MTA3: variants seen among roughly 807,000 people sequenced by gnomAD.
MTA3 encodes metastasis-associated protein MTA3.
Under a neutral mutation model 83.5 loss-of-function variants are expected in MTA3, and 34 were observed. That is an observed-to-expected ratio of 0.41 (90% CI 0.31 to 0.54). MTA3 has a LOEUF of 0.54. MTA3 is among the 20% of genes least tolerant of loss of function. MTA3 has a pLI of 0.33. For synonymous variants in MTA3, 303 were observed against 252.7 expected, an observed-to-expected ratio of 1.20 and a Z score of -1.89; for missense variants, 761 against 726.4, an observed-to-expected ratio of 1.05 and a Z score of -0.55.
intron 6 of MTA3, among the ~76,000 whole-genome samples, chr2:42,649,699 T>G (rs1438001353): frequency 6.6e-6 from 1 of 152,202 alleles, no homozygotes; most frequent in Non-Finnish European, 1.5e-5. Context: ...GATTTTGTGG[T>G]CTGAAAATCT....
chr2:42,735,441 A>G (rs1427747851), intron 16 of MTA3, among the ~76,000 whole-genome samples: 1 of 152,142 alleles, frequency 6.6e-6, no homozygotes, highest in Non-Finnish European at 1.5e-5. Flanking sequence ...GTCTTGAGGT[A>G]ATCTTCTTTG....
chr2:42,735,085 G>T (rs1161692314), intron 16 of MTA3, among the ~76,000 whole-genome samples: 1 of 151,934 alleles, frequency 6.6e-6, no homozygotes, highest in Non-Finnish European at 1.5e-5. Context: ...ATTTCTTATT[G>T]CTCATTAATG....
chr2:42,642,078 A>AT (rs1687747255), intron 5 of MTA3, among the ~76,000 whole-genome samples: 1 of 152,190 alleles, frequency 6.6e-6, no homozygotes, highest in African/African-American at 2.4e-5. Flanking sequence ...AACCCAAAGA[A>AT]TAACTTTTTA....
At chr2:42,494,577 T>A (rs1432719996) in exon 1 of MTA3, 2 of 152,234 alleles carry the variant, frequency 1.3e-5, no homozygotes, top group African/African-American at 4.8e-5. Context: ...CCAGCCTCGG[T>A]GCCGCCTGCC....
chr2:42,547,294 T>G (rs1425773785), intron 2 of MTA3, among the ~76,000 whole-genome samples: 1 of 152,122 alleles, frequency 6.6e-6, no homozygotes, highest in Non-Finnish European at 1.5e-5. Context: ...GGACGTGAGG[T>G]ACAGAACAGC....
intron 6 of MTA3, among the ~76,000 whole-genome samples, chr2:42,654,070 A>G (rs557273656): frequency 2.0e-5 from 3 of 152,370 alleles, no homozygotes; most frequent in African/African-American, 7.2e-5. Flanking sequence ...ATTGTAAACA[A>G]AACAAAGAAT....
chr2:42,543,358 AG>A (rs1335124286), intron 2 of MTA3, among the ~76,000 whole-genome samples: 1 of 151,994 alleles, frequency 6.6e-6, no homozygotes, highest in Non-Finnish European at 1.5e-5. Flanking sequence ...TTGTATTTTT[AG>A]TAGAGGTGGG....
At position 42,640,243 on chromosome 2, in the gene MTA3, C is replaced by G. The variant is rs1199275248; in HGVS notation, c.381+7C>G. 6.3e-7 allele frequency: 1 copy of G among 1,593,250 alleles called. No individual in the cohort carries two copies. Among genetic ancestry groups the G allele is most frequent in the African/African-American group, 1.3e-5 (1 of 74,556 alleles). On this transcript the variant is annotated splice_region_variant and intron_variant, in intron 5 of 16. Coordinates refer to ENST00000405094, the MANE Select transcript of MTA3 (RefSeq NM_001330442.2). ...GTCATATCTTGATAAGGAGGTAATT[C>G]ACAATCATAGTTGTTTTGTTTTTTT... is the stretch of plus-strand genomic sequence containing the variant.
At chr2:42,751,490 TG>T (rs1228921830) in intron 16 of MTA3, among the ~76,000 whole-genome samples, 1 of 152,146 alleles carries the variant, frequency 6.6e-6, no homozygotes, top group African/African-American at 2.4e-5. Flanking sequence ...GCAGAGGATC[TG>T]GGGAAGCTCT....
intron 2 of MTA3, among the ~76,000 whole-genome samples, chr2:42,534,033 G>A (rs996798531): frequency 9.9e-5 from 15 of 152,074 alleles, no homozygotes; most frequent in African/African-American, 3.4e-4. Context: ...AATCAAGAAG[G>A]AGGGACTTTT....
intron 3 of MTA3, among the ~76,000 whole-genome samples, chr2:42,594,942 A>T (rs1202971522): frequency 6.8e-6 from 1 of 146,356 alleles, no homozygotes; most frequent in Non-Finnish European, 1.5e-5. Context: ...TTTAGTAGAG[A>T]TGGGGTTTCA....
At chr2:42,594,689 TAC>T (rs1321454723) in intron 3 of MTA3, among the ~76,000 whole-genome samples, 19 of 113,022 alleles carry the variant, frequency 1.7e-4, no homozygotes, top group Non-Finnish European at 3.3e-4. Flanking sequence ...TATACATATA[TAC>T]ATATATAAAT....
intron 3 of MTA3, among the ~76,000 whole-genome samples, chr2:42,598,691 G>A (rs950433951): frequency 5.9e-5 from 9 of 152,124 alleles, no homozygotes; most frequent in Admixed American, 2.0e-4. Context: ...ATAAATTAAC[G>A]TTGTTGAGCC....
chr2:42,606,201 C>G (rs1683366487), intron 3 of MTA3, among the ~76,000 whole-genome samples: 1 of 7,712 alleles, frequency 1.3e-4, no homozygotes, highest in South Asian at 0.015. Flanking sequence ...GGGGGCTGAC[C>G]CCCCCCCACC....
At chr2:42,670,537 CAG>C (rs751755673) in intron 8 of MTA3, among the ~76,000 whole-genome samples, 2 of 152,006 alleles carry the variant, frequency 1.3e-5, no homozygotes, top group Non-Finnish European at 2.9e-5. Context: ...AAAGCAGAAA[CAG>C]GGAACAAGAA....
chr2:42,743,325 A>T (rs922453750), intron 16 of MTA3, among the ~76,000 whole-genome samples: 1 of 152,182 alleles, frequency 6.6e-6, no homozygotes, highest in Non-Finnish European at 1.5e-5. Flanking sequence ...CTTGAGAAAG[A>T]CTTCTTGTGA....
chr2:42,717,066 C>A (rs184232736), intron 14 of MTA3, among the ~76,000 whole-genome samples: 1 of 144,124 alleles, frequency 6.9e-6, no homozygotes. Context: ...TTTTTAACCA[C>A]AATGAGAATT....
At chr2:42,572,489 T>A (rs1440883977) in intron 2 of MTA3, among the ~76,000 whole-genome samples, 1 of 151,486 alleles carries the variant, frequency 6.6e-6, no homozygotes, top group African/African-American at 2.4e-5. Context: ...TGAGGAAGAT[T>A]GCTTGGGCCC....
intron 2 of MTA3, among the ~76,000 whole-genome samples, chr2:42,556,263 A>G (rs914307509): frequency 6.6e-6 from 1 of 152,056 alleles, no homozygotes; most frequent in African/African-American, 2.4e-5. Context: ...CCGAAAGCCT[A>G]TAGATCTGCT....
Sources: allele counts gnomAD v4.1 joint callset (sites outside exome capture counted in the v4.1 genomes callset), GRCh38; gene constraint gnomAD v4.1.1; transcripts MANE v1.5; gene names NCBI Gene and HGNC (gene_info 2026-07-23, HGNC 2026-07-21).